Variants in USPL1 observed in about 807,000 individuals in gnomAD.
USPL1 encodes the protein SUMO-specific isopeptidase USPL1.
A neutral mutation model predicts 51.5 loss-of-function variants in USPL1; 27 were observed. The observed-to-expected ratio is 0.52, with a 90% CI of 0.39 to 0.72. The LOEUF (loss-of-function observed/expected upper bound fraction) is 0.72, where lower values mean the gene tolerates loss of function less well. Ranked by LOEUF, USPL1 falls within the 30% of genes least tolerant of loss-of-function variation. The pLI, the probability that USPL1 is intolerant of heterozygous loss-of-function variation, is 0.00. For missense variants in USPL1, 1,226 were observed against 1,268.0 expected (o/e 0.97, Z 0.50); for synonymous variants, 451 against 459.6 (o/e 0.98, Z 0.24).
intron 6 of USPL1, among the ~76,000 whole-genome samples, chr13:30,645,692 A>G (rs1951009354): frequency 6.6e-6 from 1 of 152,238 alleles, no homozygotes. Context: ...TAGTGCCAGC[A>G]TAAGGGCTTT....
At position 30,658,529 on chromosome 13, in the gene USPL1, A is replaced by G. The variant is rs781494817; in HGVS notation, c.2452A>G (p.Ser818Gly). ...ASHVSKKARK[S>G]ASKPPPISKP... ...CCACGTATCCAAGAAAGCTCGTAAG[A>G]GTGCAAGTAAGCCTCCTCCCATCAG... The change falls in exon 9 of 9, where the codon AGT becomes GGT. Residue 818 changes from serine (S) to glycine (G), a missense_variant. Coordinates refer to ENST00000255304, the MANE Select transcript of USPL1 (RefSeq NM_005800.5). The G allele has an allele frequency of 4.3e-6, 7 of 1,613,990 alleles. No individual in the cohort carries two copies. The highest frequency in any genetic ancestry group is 5.9e-6 in the Non-Finnish European group (7 of 1,180,008).
At chr13:30,656,105 TAGTA>T (rs1951159837) in intron 8 of USPL1, among the ~76,000 whole-genome samples, 1 of 152,228 alleles carries the variant, frequency 6.6e-6, no homozygotes, top group Non-Finnish European at 1.5e-5. Context: ...TATCATGTGG[TAGTA>T]AGTAAAATGT....
At chr13:30,619,090 G>C (rs530870297) in intron 1 of USPL1, among the ~76,000 whole-genome samples, 6 of 152,344 alleles carry the variant, frequency 3.9e-5, no homozygotes, top group African/African-American at 1.2e-4. Flanking sequence ...GAAGGATGGA[G>C]ACGCCCACAT....
At chr13:30,631,941 T>A (rs1950811649) in intron 4 of USPL1, among the ~76,000 whole-genome samples, 1 of 150,788 alleles carries the variant, frequency 6.6e-6, no homozygotes, top group African/African-American at 2.5e-5. Flanking sequence ...AGTTACATTA[T>A]CCTGACTGCC....
chr13:30,656,959 C>T (rs1169354596), intron 8 of USPL1, among the ~76,000 whole-genome samples: 1 of 151,936 alleles, frequency 6.6e-6, no homozygotes, highest in Non-Finnish European at 1.5e-5. Flanking sequence ...GGACCCCTCT[C>T]CCTATTGGCA....
At chr13:30,621,032 T>C (rs879647315) in intron 1 of USPL1, 41 bp from the exon 2 acceptor site, 11 of 853,978 alleles carry the variant, frequency 1.3e-5, no homozygotes, top group Non-Finnish European at 2.0e-5. Flanking sequence ...TTATAGTAAA[T>C]AGAATTTTTA....
chr13:30,623,932 A>G (rs1232074381), intron 3 of USPL1, among the ~76,000 whole-genome samples: 1 of 152,196 alleles, frequency 6.6e-6, no homozygotes, highest in Admixed American at 6.5e-5. Flanking sequence ...TACCCTTTAT[A>G]ATATCCTTTA....
rs765250453 is a variant in USPL1 at position 30,621,138 on chromosome 13, G to T, written c.-3G>T. ...AGTGACATAAATTAGCCAATGACTC[G>T]GAATGATGGATTCTCCGAAGATTGG... On this transcript the variant is annotated 5_prime_UTR_variant, in exon 2 of 9. Transcript: ENST00000255304. 1 of 1,603,006 alleles carries T rather than the reference G, an allele frequency of 6.2e-7. No individual in the cohort carries two copies. Among genetic ancestry groups the T allele is most frequent in the African/African-American group, 1.3e-5 (1 of 74,296 alleles).
chr13:30,659,461 A>G lies in USPL1; in HGVS notation c.*105A>G, dbSNP rs1452648526. 4.8e-6 allele frequency: 5 copies of G among 1,038,354 alleles called. No homozygotes were observed. Among genetic ancestry groups the G allele is most frequent in the Non-Finnish European group, 4.0e-6 (3 of 747,528 alleles). The allele number at this position is 1,038,354 out of a possible 1,614,324, so 64.3% of individuals were successfully genotyped here. The stretch of plus-strand genomic sequence containing the variant: ...ACTGGACTTGTGTAATTACTTGTGT[A>G]ATAACCATGAACAAAATGCAAGGTT... On this transcript the variant is annotated 3_prime_UTR_variant, in exon 9 of 9. Coordinates refer to ENST00000255304, the MANE Select transcript of USPL1 (RefSeq NM_005800.5).
In USPL1 at chr13:30,621,242, T is replaced by C. The variant is rs1257420760; in HGVS notation, c.99+3T>C. On this transcript the variant is annotated splice_donor_region_variant and intron_variant, in intron 2 of 8. Transcript: ENST00000255304. ...ACATGGTGGGGTATTTGGGAAAAGT[T>C]AGTGAACTTATTTTTTGCCTGAGTG... 2 of 1,576,456 alleles carry C rather than the reference T, an allele frequency of 1.3e-6. No individual in the cohort carries two copies. Among genetic ancestry groups the C allele is most frequent in the Non-Finnish European group, 8.6e-7 (1 of 1,167,126 alleles).
At chr13:30,631,522 T>G in intron 4 of USPL1, 48 bp downstream of exon 4, 1 of 1,506,404 alleles carries the variant, frequency 6.6e-7, no homozygotes, top group Non-Finnish European at 8.9e-7. Flanking sequence ...TCATCTGGAG[T>G]CAGGGTCTCA....
intron 8 of USPL1, among the ~76,000 whole-genome samples, chr13:30,654,847 AATTC>A (rs1251083422): frequency 6.6e-6 from 1 of 151,912 alleles, no homozygotes; most frequent in Non-Finnish European, 1.5e-5. Flanking sequence ...ATGTCTTTTT[AATTC>A]ATTTATTCAT....
chr13:30,643,009 A>G (rs78258033), intron 6 of USPL1, among the ~76,000 whole-genome samples: 4 of 152,328 alleles, frequency 2.6e-5, no homozygotes, highest in South Asian at 2.1e-4. Flanking sequence ...TCAGAATGCC[A>G]TGAAACTGTA....
At chr13:30,650,238 A>C (rs975316329) in intron 7 of USPL1, among the ~76,000 whole-genome samples, 2 of 152,192 alleles carry the variant, frequency 1.3e-5, no homozygotes, top group Non-Finnish European at 2.9e-5. Flanking sequence ...TGACTCCAAG[A>C]TGCTACTGTT....
At position 30,631,082 on chromosome 13, in the gene USPL1, A is replaced by G. The variant is rs774443212; in HGVS notation, c.476A>G (p.Gln159Arg). Residue 159 changes from glutamine to arginine, a missense_variant, in exon 4 of 9, where the codon CAA (glutamine) becomes CGA (arginine). Physicochemically the swap from Gln to Arg is conservative, Grantham distance 43. Coordinates refer to ENST00000255304, the MANE Select transcript of USPL1 (RefSeq NM_005800.5). ...TSSNLPDSSG[Q>R]QNPIRTADSL... ...TCAAACTTACCTGATAGTAGTGGTC[A>G]ACAGAATCCAATTAGGACAGCTGAT... is the stretch of plus-strand genomic sequence containing the variant. 2.5e-6 allele frequency: 4 copies of G among 1,614,090 alleles called. No individual in the cohort carries two copies. The highest frequency in any genetic ancestry group is 2.2e-5 in the South Asian group (2 of 91,088).
chr13:30,642,959 C>T (rs1950968694), intron 6 of USPL1, among the ~76,000 whole-genome samples: 1 of 152,180 alleles, frequency 6.6e-6, no homozygotes, highest in South Asian at 2.1e-4. Context: ...AGGAATAATA[C>T]ACCTCCCTTC....
chr13:30,625,443 T>C (rs980694646), intron 3 of USPL1, among the ~76,000 whole-genome samples: 11 of 147,586 alleles, frequency 7.5e-5, no homozygotes, highest in African/African-American at 2.9e-4. Flanking sequence ...TTTTGTTTTT[T>C]GTTTTTTTTT....
At position 30,658,065 on chromosome 13, in the gene USPL1, T is replaced by C; in HGVS notation, c.1988T>C (p.Met663Thr). 6.2e-7 allele frequency: 1 copy of C among 1,613,256 alleles called. No individual in the cohort carries two copies. Among genetic ancestry groups the C allele is most frequent in the Non-Finnish European group, 8.5e-7 (1 of 1,179,946 alleles). The change falls in exon 9 of 9, where the codon ATG becomes ACG. Residue 663 changes from methionine (M) to threonine (T), a missense_variant. Transcript: ENST00000255304. ...CCATCCCAAGTTGTAAATACAAACA[T>C]GCAGTCAGTACAGCTGAATACAGAA... The part of the protein sequence containing the change: ...SFPSQVVNTN[M>T]QSVQLNTEDT...
intron 5 of USPL1, among the ~76,000 whole-genome samples, chr13:30,640,220 G>A (rs1167906791): frequency 6.6e-6 from 1 of 152,074 alleles, no homozygotes; most frequent in African/African-American, 2.4e-5. Flanking sequence ...TTGTCATTAT[G>A]AAATGTAAAT....
Sources: allele counts gnomAD v4.1 joint callset (sites outside exome capture counted in the v4.1 genomes callset), GRCh38; gene constraint gnomAD v4.1.1; transcripts MANE v1.5; gene names NCBI Gene and HGNC (gene_info 2026-07-23, HGNC 2026-07-21).